ATP10A: variants seen among roughly 807,000 people sequenced by gnomAD.
The protein encoded by ATP10A is phospholipid-transporting ATPase VA.
Under a neutral mutation model 147.8 loss-of-function variants are expected in ATP10A, and 111 were observed. That is an observed-to-expected ratio of 0.75 (90% confidence interval 0.64 to 0.88). ATP10A has a LOEUF of 0.88. Ranked by LOEUF, ATP10A falls within the 40% of genes least tolerant of loss-of-function variation. ATP10A has a pLI of 0.00. For missense variants in ATP10A, 1,927 were observed against 1,959.0 expected (o/e 0.98, Z 0.31); for synonymous variants, 875 against 841.6 (o/e 1.04, Z -0.69).
chr15:25,748,699 A>T (rs1310495854), intron 2 of ATP10A, among the ~76,000 whole-genome samples: 1 of 152,166 alleles, frequency 6.6e-6, no homozygotes, highest in Non-Finnish European at 1.5e-5. Context: ...TAATGCTATC[A>T]TAATTCAAAA....
intron 2 of ATP10A, among the ~76,000 whole-genome samples, chr15:25,777,819 C>A (rs1032523386): frequency 6.7e-6 from 1 of 149,168 alleles, no homozygotes; most frequent in Non-Finnish European, 1.5e-5. Context: ...TCTGTGTTGC[C>A]CAGGCTGGTC....
intron 2 of ATP10A, among the ~76,000 whole-genome samples, chr15:25,770,502 T>G (rs1316685187): frequency 6.6e-6 from 1 of 152,116 alleles, no homozygotes; most frequent in African/African-American, 2.4e-5. Flanking sequence ...CCAAGAGAAC[T>G]AAATGAATGA....
intron 2 of ATP10A, among the ~76,000 whole-genome samples, chr15:25,767,275 T>G (rs1233310351): frequency 6.6e-6 from 1 of 152,170 alleles, no homozygotes; most frequent in African/African-American, 2.4e-5. Flanking sequence ...GTGGACACGC[T>G]GTGGCACCCC....
intron 1 of ATP10A, among the ~76,000 whole-genome samples, chr15:25,816,239 G>GTT (rs5811399): frequency 4.6e-4 from 70 of 150,860 alleles, no homozygotes; most frequent in Admixed American, 1.9e-3. Flanking sequence ...ATTTTGCTTT[G>GTT]TTTTTTTTGA....
intron 2 of ATP10A, among the ~76,000 whole-genome samples, chr15:25,739,042 A>G (rs193280698): frequency 5.3e-5 from 8 of 152,318 alleles, no homozygotes; most frequent in African/African-American, 1.9e-4. Flanking sequence ...CAGATTCTAT[A>G]GAAACGTCCC....
chr15:25,742,566 T>TC (rs1345740509), intron 2 of ATP10A, among the ~76,000 whole-genome samples: 1 of 152,164 alleles, frequency 6.6e-6, no homozygotes, highest in African/African-American at 2.4e-5. Flanking sequence ...ATTCAAAGGC[T>TC]CACAGTGCGG....
chr15:25,851,970 T>C (rs149770571), intron 1 of ATP10A, among the ~76,000 whole-genome samples: 84 of 152,272 alleles, frequency 5.5e-4, no homozygotes, highest in African/African-American at 2.0e-3. Flanking sequence ...TTAATAGCAA[T>C]AATGACAGCA....
intron 2 of ATP10A, among the ~76,000 whole-genome samples, chr15:25,767,964 A>G (rs1889116573): frequency 6.6e-6 from 1 of 152,226 alleles, no homozygotes; most frequent in East Asian, 1.9e-4. Context: ...CCTGGGAGAC[A>G]CTGGGGTGAA....
At chr15:25,861,744 G>C (rs1456845926) in intron 1 of ATP10A, 1 of 153,486 alleles carries the variant, frequency 6.5e-6, no homozygotes, top group African/African-American at 2.4e-5. Context: ...AGGAGGTAAC[G>C]ATGGGCTGAG....
intron 2 of ATP10A, among the ~76,000 whole-genome samples, chr15:25,761,408 G>C (rs772219275): frequency 2.6e-5 from 4 of 152,364 alleles, no homozygotes; most frequent in Non-Finnish European, 5.9e-5. Flanking sequence ...ACCTAGTGGA[G>C]CTGTGAGAAG....
intron 1 of ATP10A, among the ~76,000 whole-genome samples, chr15:25,857,352 C>T (rs930933637): frequency 1.1e-4 from 17 of 152,160 alleles, no homozygotes; most frequent in African/African-American, 4.1e-4. Flanking sequence ...GAGGCTGAGG[C>T]AGGAGGATCA....
intron 13 of ATP10A, among the ~76,000 whole-genome samples, chr15:25,699,020 C>A (rs1016011122): frequency 6.6e-6 from 1 of 152,222 alleles, no homozygotes; most frequent in Non-Finnish European, 1.5e-5. Flanking sequence ...CAATGCTTCC[C>A]AAATTGATTT....
intron 2 of ATP10A, among the ~76,000 whole-genome samples, chr15:25,770,473 C>T (rs1193935165): frequency 1.3e-5 from 2 of 152,186 alleles, no homozygotes; most frequent in Non-Finnish European, 2.9e-5. Context: ...GGAGTAATAA[C>T]AGCACCTTCT....
chr15:25,790,310 A>G (rs1351816666), intron 1 of ATP10A, among the ~76,000 whole-genome samples: 1 of 152,224 alleles, frequency 6.6e-6, no homozygotes, highest in East Asian at 1.9e-4. Context: ...TTTCTGAACT[A>G]CTTTCTATTC....
At chr15:25,782,490 T>C (rs915337162) in intron 1 of ATP10A, among the ~76,000 whole-genome samples, 3 of 152,172 alleles carry the variant, frequency 2.0e-5, no homozygotes, top group Non-Finnish European at 4.4e-5. Flanking sequence ...TTCATCGTAA[T>C]AAAAAATAAT....
intron 2 of ATP10A, among the ~76,000 whole-genome samples, chr15:25,777,951 A>AT (rs1019205912): frequency 4.6e-5 from 7 of 151,142 alleles, no homozygotes; most frequent in Admixed American, 2.0e-4. Flanking sequence ...TTTTTTATTT[A>AT]TTTTTTTAAA....
chr15:25,731,542 A>T (rs1357177157), intron 3 of ATP10A, among the ~76,000 whole-genome samples: 1 of 152,162 alleles, frequency 6.6e-6, no homozygotes, highest in African/African-American at 2.4e-5. Flanking sequence ...ACCACATGCC[A>T]TAAAGTTGGC....
chr15:25,727,842 G>T (rs1300112692), intron 3 of ATP10A, among the ~76,000 whole-genome samples: 1 of 152,202 alleles, frequency 6.6e-6, no homozygotes, highest in East Asian at 1.9e-4. Context: ...TAGATCCAGA[G>T]GGATAGTCTA....
At chr15:25,803,729 A>G (rs538371475) in intron 1 of ATP10A, among the ~76,000 whole-genome samples, 7 of 152,306 alleles carry the variant, frequency 4.6e-5, no homozygotes, top group African/African-American at 1.7e-4. Context: ...GGAACTGAAC[A>G]GTGGATTCAG....
Sources: gnomAD v4.1 joint callset for allele counts (sites outside exome capture counted in the v4.1 genomes callset) on GRCh38, gnomAD v4.1.1 for gene constraint, MANE v1.5 for transcripts, NCBI Gene and HGNC (gene_info 2026-07-23, HGNC 2026-07-21) for gene names.